The following NLN variants were observed in gnomAD, a reference collection of about 807,000 sequenced individuals.
NLN encodes the protein neurolysin, mitochondrial.
In NLN, 64 loss-of-function variants were observed where a neutral mutation model predicts 79.9. The observed-to-expected ratio is 0.80, with a 90% CI of 0.65 to 0.99. NLN has a LOEUF of 0.99. NLN is among the 50% of genes least tolerant of loss of function. NLN has a pLI of 0.00. For synonymous variants in NLN, 267 were observed against 296.6 expected, an observed-to-expected ratio of 0.90 and a Z score of 1.02; for missense variants, 835 against 858.7, an observed-to-expected ratio of 0.97 and a Z score of 0.34.
intron 1 of NLN, among the ~76,000 whole-genome samples, chr5:65,729,890 G>T (rs1482297046): frequency 1.3e-5 from 2 of 152,216 alleles, no homozygotes; most frequent in African/African-American, 4.8e-5. Flanking sequence ...ATTGCAAAGT[G>T]CATGTAGCAT....
chr5:65,791,722 CAA>C (rs112029749), intron 8 of NLN, among the ~76,000 whole-genome samples: 4 of 119,638 alleles, frequency 3.3e-5, no homozygotes, highest in Admixed American at 8.5e-5. Flanking sequence ...GACTCTGTCT[CAA>C]AAAAAAAAAA....
intron 1 of NLN, among the ~76,000 whole-genome samples, chr5:65,742,729 G>C (rs918668016): frequency 2.6e-5 from 4 of 152,192 alleles, no homozygotes; most frequent in African/African-American, 9.6e-5. Flanking sequence ...GTGGAGGCAA[G>C]AGCAGTCGAA....
At position 65,785,242 on chromosome 5, in the gene NLN, C is replaced by T. The variant is rs73101513; in HGVS notation, c.823-533C>T. Among the ~76,000 whole-genome samples, 1,448 of 152,160 alleles carry T rather than the reference C, an allele frequency of 9.5e-3. 29 individuals carry two copies. The highest frequency in any genetic ancestry group is 0.033 in the African/African-American group (1,373 of 41,484). On this transcript the variant is annotated intron_variant, in intron 6 of 12. Transcript: ENST00000380985. ...ATAATTTTTTTAGGAATCACCATACCGTTTTCTACAGCAGCTAAACTACTT... is the reference window on the plus strand; with the variant it reads ...ATAATTTTTTTAGGAATCACCATACTGTTTTCTACAGCAGCTAAACTACTT...
At chr5:65,738,070 A>T (rs1758767779) in intron 1 of NLN, among the ~76,000 whole-genome samples, 1 of 151,418 alleles carries the variant, frequency 6.6e-6, no homozygotes, top group Admixed American at 6.6e-5. Flanking sequence ...CGGAGGTTGC[A>T]GTGAGCCAAG....
At position 65,827,125 on chromosome 5, in the gene NLN, A is replaced by G. The variant is rs879597979; in HGVS notation, c.*4210A>G. The stretch of plus-strand genomic sequence containing the variant: ...ACCAAAATAGCCTTTTTTAACAAAC[A>G]CAATAATGCTGTACGTCTGTAACAA... On this transcript the variant is annotated 3_prime_UTR_variant, in exon 13 of 13. Transcript: ENST00000380985. 6 of 151,948 alleles carry G rather than the reference A, an allele frequency of 3.9e-5. No homozygotes were observed. Among genetic ancestry groups the G allele is most frequent in the Non-Finnish European group, 7.4e-5 (5 of 68,014 alleles). 9.4% of individuals were successfully genotyped at this position (151,948 alleles called of 1,614,324 possible).
intron 1 of NLN, among the ~76,000 whole-genome samples, chr5:65,725,299 G>A (rs1758444333): frequency 1.3e-5 from 2 of 152,128 alleles, no homozygotes; most frequent in Admixed American, 6.5e-5. Flanking sequence ...AATCATGGAT[G>A]TTCTTTGATA....
At chr5:65,768,040 G>C (rs1357132775) in intron 3 of NLN, among the ~76,000 whole-genome samples, 1 of 152,142 alleles carries the variant, frequency 6.6e-6, no homozygotes, top group Non-Finnish European at 1.5e-5. Flanking sequence ...AGTAAATCTA[G>C]GAAGTTCCAA....
Position 65,822,867 on chromosome 5 carries a change from G to A in NLN, c.2067G>A (p.Glu689=). 1.2e-6 allele frequency: 2 copies of A among 1,613,416 alleles called. No homozygotes were observed. Among genetic ancestry groups the A allele is most frequent in the Middle Eastern group, 1.6e-4 (1 of 6,062 alleles). Residue 689 remains glutamate, a synonymous_variant, in exon 13 of 13, where the codon GAG becomes GAA. Coordinates refer to ENST00000380985, the MANE Select transcript of NLN (RefSeq NM_020726.5). ...MDMLHNFLKR[E]PNQKAFLMSR... Reference sequence around the variant, plus strand: ...TGCTCCACAATTTCTTGAAACGTGAGCCAAACCAAAAAGCGTTCCTAATGA... The same window carrying A: ...TGCTCCACAATTTCTTGAAACGTGAACCAAACCAAAAAGCGTTCCTAATGA...
chr5:65,742,869 T>G (rs185874420), intron 1 of NLN, among the ~76,000 whole-genome samples: 2 of 152,326 alleles, frequency 1.3e-5, no homozygotes, highest in Non-Finnish European at 2.9e-5. Flanking sequence ...TTTTAGCATC[T>G]TCTTTTGATT....
chr5:65,774,703 T>C (rs1759641139), intron 3 of NLN, among the ~76,000 whole-genome samples: 1 of 146,234 alleles, frequency 6.8e-6, no homozygotes, highest in South Asian at 2.1e-4. Flanking sequence ...TAATTAGTCA[T>C]ACATATATAA....
Position 65,827,470 on chromosome 5 carries a change from T to C in NLN, c.*4555T>C, listed in dbSNP as rs1205993694. ...AGAGAAACTGGCTAGAAATAGTTTG[T>C]TCATTGCGTCCAGCAAGACACGCAT... On this transcript the variant is annotated 3_prime_UTR_variant, in exon 13 of 13. Transcript: ENST00000380985. The C allele has an allele frequency of 6.6e-6, 1 of 152,222 alleles. No individual in the cohort carries two copies. Among genetic ancestry groups the C allele is most frequent in the African/African-American group, 2.4e-5 (1 of 41,462 alleles). 9.4% of individuals were successfully genotyped at this position (152,222 alleles called of 1,614,324 possible).
At chr5:65,791,107 A>T (rs1275748684) in intron 8 of NLN, among the ~76,000 whole-genome samples, 2 of 152,218 alleles carry the variant, frequency 1.3e-5, no homozygotes, top group Admixed American at 6.5e-5. Context: ...CTGACTTTTA[A>T]AAAGGGTATT....
chr5:65,753,139 A>G (rs1468610988), intron 1 of NLN, among the ~76,000 whole-genome samples: 1 of 152,206 alleles, frequency 6.6e-6, no homozygotes, highest in Non-Finnish European at 1.5e-5. Context: ...ATGCTAATTA[A>G]CCTGGTTTGA....
At chr5:65,774,638 A>G (rs1389398574) in intron 3 of NLN, among the ~76,000 whole-genome samples, 2 of 151,888 alleles carry the variant, frequency 1.3e-5, no homozygotes, top group Non-Finnish European at 2.9e-5. Context: ...TCTGGTTATA[A>G]TAGTCAGATT....
chr5:65,750,853 A>G (rs1184336798), intron 1 of NLN, among the ~76,000 whole-genome samples: 3 of 152,196 alleles, frequency 2.0e-5, no homozygotes, highest in Admixed American at 1.3e-4. Flanking sequence ...GGGATTTGGC[A>G]TTGTAGAAAT....
intron 3 of NLN, among the ~76,000 whole-genome samples, chr5:65,765,906 CTT>C (rs1245535578): frequency 6.6e-6 from 1 of 152,050 alleles, no homozygotes; most frequent in African/African-American, 2.4e-5. Context: ...TATTTTAGCT[CTT>C]TTTATTTTCC....
chr5:65,735,445 C>G (rs1330874382), intron 1 of NLN, among the ~76,000 whole-genome samples: 2 of 152,096 alleles, frequency 1.3e-5, no homozygotes, highest in African/African-American at 4.8e-5. Context: ...TCAGTGTCAC[C>G]ATTTACGCAA....
intron 9 of NLN, among the ~76,000 whole-genome samples, chr5:65,795,725 A>G (rs1436918053): frequency 6.6e-6 from 1 of 152,206 alleles, no homozygotes; most frequent in Non-Finnish European, 1.5e-5. Flanking sequence ...TCATAGCACT[A>G]GGATTCCTGA....
intron 9 of NLN, among the ~76,000 whole-genome samples, chr5:65,807,415 C>T (rs1255304023): frequency 6.6e-6 from 1 of 151,332 alleles, no homozygotes; most frequent in Admixed American, 6.6e-5. Context: ...TATACATTGT[C>T]TTTGTGGGTG....
Sources: allele counts gnomAD v4.1 joint callset (sites outside exome capture counted in the v4.1 genomes callset), GRCh38; gene constraint gnomAD v4.1.1; transcripts MANE v1.5; gene names NCBI Gene and HGNC (gene_info 2026-07-23, HGNC 2026-07-21).